PRR16: variants seen among roughly 807,000 people sequenced by gnomAD.
The protein encoded by PRR16 is proline rich 16.
A neutral mutation model predicts 18.2 loss-of-function variants in PRR16; 6 were observed. The ratio of observed to expected loss-of-function variants is 0.33; its 90% CI spans 0.18 to 0.65. PRR16 has a LOEUF of 0.65. Ranked by LOEUF, PRR16 falls within the 30% of genes least tolerant of loss-of-function variation. The pLI, the probability that PRR16 is intolerant of heterozygous loss-of-function variation, is 0.74. For missense variants in PRR16, 412 were observed against 376.6 expected (o/e 1.09, Z -0.78); for synonymous variants, 151 against 147.8 (o/e 1.02, Z -0.16).
intron 1 of PRR16, among the ~76,000 whole-genome samples, chr5:120,559,873 C>A (rs1752523114): frequency 1.3e-5 from 2 of 151,628 alleles, no homozygotes; most frequent in African/African-American, 4.8e-5. Context: ...TATTTCACTT[C>A]TTGGGTGAAA....
At chr5:120,617,036 T>G in intron 1 of PRR16, 1 of 849,826 alleles carries the variant, frequency 1.2e-6, no homozygotes, top group Non-Finnish European at 1.4e-6. Context: ...AGTCCAGTGT[T>G]TTTTGGAAAG....
chr5:120,521,910 G>A (rs958803854), intron 1 of PRR16, among the ~76,000 whole-genome samples: 1 of 152,152 alleles, frequency 6.6e-6, no homozygotes, highest in African/African-American at 2.4e-5. Flanking sequence ...CTATGAGTGA[G>A]AACATGTGGT....
At chr5:120,678,095 G>A (rs1756863450) in intron 1 of PRR16, among the ~76,000 whole-genome samples, 5 of 152,088 alleles carry the variant, frequency 3.3e-5, no homozygotes, top group South Asian at 4.2e-4. Flanking sequence ...ATTTTTAGTA[G>A]AGACGGCGTT....
chr5:120,609,544 T>C (rs1754267249), intron 1 of PRR16, among the ~76,000 whole-genome samples: 1 of 152,206 alleles, frequency 6.6e-6, no homozygotes, highest in Non-Finnish European at 1.5e-5. Flanking sequence ...TTAGCTAAGA[T>C]TTTCGACAAT....
At position 120,464,448 on chromosome 5, in the gene PRR16, C is replaced by A; in HGVS notation, c.-39C>A. The A allele has an allele frequency of 2.6e-6, 4 of 1,531,652 alleles. No homozygotes were observed. Among genetic ancestry groups the A allele is most frequent in the African/African-American group, 1.4e-5 (1 of 73,196 alleles). The allele number at this position is 1,531,652 out of a possible 1,614,324, so 94.9% of individuals were successfully genotyped here. ...ACGGGGGCACGCAGCAGCCTCCGCTCGCCCGCCTGTCCTGACCTGCCTCGC... is the reference window on the plus strand; with the variant it reads ...ACGGGGGCACGCAGCAGCCTCCGCTAGCCCGCCTGTCCTGACCTGCCTCGC... On this transcript the variant is annotated 5_prime_UTR_variant, in exon 1 of 2. Transcript: ENST00000407149.
the PRR16 span, among the ~76,000 whole-genome samples, chr5:120,753,883 TATTA>T: frequency 7.8e-6 from 1 of 127,418 alleles, no homozygotes; most frequent in Admixed American, 1.0e-4. Context: ...TATATTTATA[TATTA>T]TATATAATAT....
chr5:120,538,784 C>G (rs1253813259), intron 1 of PRR16, among the ~76,000 whole-genome samples: 1 of 152,162 alleles, frequency 6.6e-6, no homozygotes, highest in Non-Finnish European at 1.5e-5. Context: ...AGGTATCAGT[C>G]ATCTGAATTA....
chr5:120,551,008 C>T (rs1752237290), intron 1 of PRR16, among the ~76,000 whole-genome samples: 1 of 151,774 alleles, frequency 6.6e-6, no homozygotes, highest in Non-Finnish European at 1.5e-5. Context: ...AGCTAATTAA[C>T]ATATGTATAA....
At chr5:120,735,532 C>T in the PRR16 span, among the ~76,000 whole-genome samples, 3 of 152,006 alleles carry the variant, frequency 2.0e-5, no homozygotes, top group South Asian at 4.2e-4. Flanking sequence ...TAAGTGAGAG[C>T]TTATGTGGTT....
the PRR16 span, among the ~76,000 whole-genome samples, chr5:120,728,243 A>T: frequency 1.3e-5 from 2 of 152,036 alleles, no homozygotes; most frequent in Non-Finnish European, 2.9e-5. Context: ...TCTCAAAAAA[A>T]TCCCAAATAA....
At chr5:120,700,034 G>C in the PRR16 span, among the ~76,000 whole-genome samples, 2 of 152,186 alleles carry the variant, frequency 1.3e-5, no homozygotes, top group African/African-American at 4.8e-5. Flanking sequence ...GAGAGGCTGG[G>C]ATGAAGGGTA....
At chr5:120,645,233 G>A (rs139346893) in intron 1 of PRR16, among the ~76,000 whole-genome samples, 1 of 151,846 alleles carries the variant, frequency 6.6e-6, no homozygotes, top group Admixed American at 6.6e-5. Flanking sequence ...AATTTTCAAC[G>A]TATGTGTTAC....
chr5:120,638,632 C>CCA (rs1484374632), intron 1 of PRR16, among the ~76,000 whole-genome samples: 2 of 152,144 alleles, frequency 1.3e-5, no homozygotes, highest in Non-Finnish European at 2.9e-5. Flanking sequence ...CAGCCTGGCT[C>CCA]CACAGTCTAG....
chr5:120,576,488 C>T (rs35881401), intron 1 of PRR16, among the ~76,000 whole-genome samples: 6 of 151,928 alleles, frequency 3.9e-5, no homozygotes, highest in African/African-American at 1.2e-4. Context: ...CCAGTTAGAA[C>T]GGCCACTGTC....
Position 120,663,760 on chromosome 5 carries a change from T to C in PRR16, c.160-22194T>C, listed in dbSNP as rs145888694. Among the ~76,000 whole-genome samples, 675 of 152,260 alleles carry C rather than the reference T, an allele frequency of 4.4e-3. 5 individuals carry two copies. Among genetic ancestry groups the C allele is most frequent in the African/African-American group, 0.015 (630 of 41,566 alleles). The stretch of plus-strand genomic sequence containing the variant: ...AAAGGATTATTATTACTTTGTTCCT[T>C]TAGACAGTTGAGTCTAAGCTACCTC... On this transcript the variant is annotated intron_variant, in intron 1 of 1. Coordinates refer to ENST00000407149, the MANE Select transcript of PRR16 (RefSeq NM_001300783.2).
chr5:120,617,158 C>T (rs1580792304), intron 1 of PRR16: 1 of 985,380 alleles, frequency 1.0e-6, no homozygotes, highest in South Asian at 4.7e-5. Context: ...TGCAGGCATA[C>T]AGTGACAACA....
chr5:120,752,859 GTATA>G, the PRR16 span, among the ~76,000 whole-genome samples: 2 of 151,606 alleles, frequency 1.3e-5, no homozygotes, highest in South Asian at 4.1e-4. Context: ...TTTCAATAAT[GTATA>G]TAATATATTT....
chr5:120,658,276 C>T (rs1013842344), intron 1 of PRR16: 1 of 150,894 alleles, frequency 6.6e-6, no homozygotes, highest in Admixed American at 6.6e-5. Flanking sequence ...CCCAGTATAT[C>T]AACTCCAGCC....
At chr5:120,665,348 T>C (rs1043240841) in intron 1 of PRR16, among the ~76,000 whole-genome samples, 5 of 152,074 alleles carry the variant, frequency 3.3e-5, no homozygotes, top group African/African-American at 1.2e-4. Flanking sequence ...TTGTAGATTC[T>C]GGATATTAGC....
Sources: allele counts gnomAD v4.1 joint callset (sites outside exome capture counted in the v4.1 genomes callset), GRCh38; gene constraint gnomAD v4.1.1; transcripts MANE v1.5; gene names NCBI Gene and HGNC (gene_info 2026-07-23, HGNC 2026-07-21).